Variants in PCDHGB2 observed in about 807,000 individuals in gnomAD.
PCDHGB2 encodes the protein protocadherin gamma subfamily B, 2.
PCDHGB2 carries 55 observed loss-of-function variants against 59.3 expected under a neutral mutation model. The observed-to-expected ratio is 0.93, with a 90% confidence interval of 0.75 to 1.16. PCDHGB2 has a LOEUF of 1.16. Among genes scored for constraint, PCDHGB2 ranks in the 50% most tolerant of loss-of-function variants. The probability of loss-of-function intolerance (pLI) is 0.00; values close to 1 mark genes in which losing one functional copy is unlikely to be tolerated. For missense variants in PCDHGB2, 1,228 were observed against 1,198.5 expected (o/e 1.02, Z -0.36); for synonymous variants, 516 against 512.0 (o/e 1.01, Z -0.11).
At chr5:141,376,262 G>A (rs1417719002) in intron 1 of PCDHGB2, 2 of 1,614,108 alleles carry the variant, frequency 1.2e-6, no homozygotes, top group Admixed American at 1.7e-5. Context: ...CCTGCTGCAG[G>A]CTTCGGGAGG....
chr5:141,428,057 G>C (rs766786963), intron 1 of PCDHGB2: 2 of 1,609,044 alleles, frequency 1.2e-6, no homozygotes, highest in East Asian at 2.2e-5. Flanking sequence ...AGGTGGTGGC[G>C]GTGGACGCAG....
chr5:141,389,049 C>T, intron 1 of PCDHGB2: 7 of 1,613,880 alleles, frequency 4.3e-6, no homozygotes, highest in Non-Finnish European at 5.9e-6. Flanking sequence ...AGGTGATGTT[C>T]CATTTAAAAT....
chr5:141,427,265 C>G (rs767369457), intron 1 of PCDHGB2: 1 of 456,688 alleles, frequency 2.2e-6, no homozygotes, highest in Non-Finnish European at 4.4e-6. Context: ...GCATGACCAG[C>G]GAATGTAAAA....
chr5:141,420,099 C>T (rs750814136), intron 1 of PCDHGB2: 4 of 1,613,996 alleles, frequency 2.5e-6, no homozygotes, highest in South Asian at 2.2e-5. Flanking sequence ...AGTGAGGGAA[C>T]GTTGCCCTAT....
At position 141,382,899 on chromosome 5, in the gene PCDHGB2, T is replaced by C. The variant is rs148952660; in HGVS notation, c.2421+20343T>C. On this transcript the variant is annotated intron_variant, in intron 1 of 3. Transcript: ENST00000522605. ...GCCTAAGCAAGAGAAGCAGGACGAC[T>C]ATGGCGGCTCAGCCGAGGGGCGGGG... 463 of 1,541,826 alleles carry C rather than the reference T, an allele frequency of 3.0e-4. 2 individuals carry two copies. In the African/African-American group the frequency reaches 5.3e-3, roughly 18 times the overall value.
intron 1 of PCDHGB2, chr5:141,393,816 A>T: frequency 6.2e-7 from 1 of 1,613,988 alleles, no homozygotes; most frequent in South Asian, 1.1e-5. Context: ...CAAATTGCTC[A>T]TTTCGGTGGA....
chr5:141,503,164 C>G (rs1262310388), intron 2 of PCDHGB2, among the ~76,000 whole-genome samples: 2 of 152,068 alleles, frequency 1.3e-5, no homozygotes, highest in East Asian at 3.9e-4. Flanking sequence ...ATCACAATTG[C>G]AATTACTCTA....
chr5:141,422,633 G>T lies in PCDHGB2; in HGVS notation c.2421+60077G>T, dbSNP rs769515606. 10 of 1,613,120 alleles carry T rather than the reference G, an allele frequency of 6.2e-6. No individual in the cohort carries two copies. In the East Asian group the frequency reaches 2.0e-4, roughly 32 times the overall value. ...TACATTCCCGAAAACAACCCCAGGG[G>T]TGCCTCCATCTTCTCAGTGACCGCC... On this transcript the variant is annotated intron_variant, in intron 1 of 3. Coordinates refer to ENST00000522605, the MANE Select transcript of PCDHGB2 (RefSeq NM_018923.3).
intron 1 of PCDHGB2, chr5:141,396,045 C>G (rs2093338007): frequency 6.6e-6 from 1 of 152,166 alleles, no homozygotes; most frequent in Non-Finnish European, 1.5e-5. Context: ...TATTTCAATA[C>G]AATTCCAATT....
chr5:141,419,175 C>A lies in PCDHGB2; in HGVS notation c.2421+56619C>A, dbSNP rs185228661. On this transcript the variant is annotated intron_variant, in intron 1 of 3. Transcript: ENST00000522605. Reference sequence around the variant, plus strand: ...CCGTTATCCTCCAGCAAAACCATAACCCTGCACATTACTGACGTCAATGAC... The same window carrying A: ...CCGTTATCCTCCAGCAAAACCATAAACCTGCACATTACTGACGTCAATGAC... The A allele has an allele frequency of 5.2e-4, 837 of 1,613,966 alleles. 3 individuals carry two copies. Among genetic ancestry groups the A allele is most frequent in the Non-Finnish European group, 9.3e-5 (110 of 1,179,894 alleles).
chr5:141,390,730 A>G (rs964390196), intron 1 of PCDHGB2: 1 of 195,852 alleles, frequency 5.1e-6, no homozygotes, highest in African/African-American at 2.4e-5. Flanking sequence ...TTTAACTGGT[A>G]TGGTCTCCAT....
At chr5:141,455,292 G>A (rs2098818902) in intron 1 of PCDHGB2, among the ~76,000 whole-genome samples, 1 of 152,068 alleles carries the variant, frequency 6.6e-6, no homozygotes, top group East Asian at 1.9e-4. Context: ...ACTTTACATA[G>A]TTTCATCTTG....
chr5:141,457,441 G>A (rs941085406), intron 1 of PCDHGB2, among the ~76,000 whole-genome samples: 1 of 152,134 alleles, frequency 6.6e-6, no homozygotes, highest in African/African-American at 2.4e-5. Flanking sequence ...CCAAGCTGCA[G>A]AAGATCACCA....
chr5:141,432,014 A>C lies in PCDHGB2; in HGVS notation c.2422-62793A>C, dbSNP rs778393699. Reference sequence around the variant, plus strand: ...GGATAGGGAACAGGTTCCTAGCTACAACATCACAGTGACCGCCACTGACCG... The same window carrying C: ...GGATAGGGAACAGGTTCCTAGCTACCACATCACAGTGACCGCCACTGACCG... On this transcript the variant is annotated intron_variant, in intron 1 of 3. Transcript: ENST00000522605. This position sits in a 1 kb window ranked among gnomAD's most constrained non-coding sequence, Gnocchi z 6.0. 16 of 1,614,196 alleles carry C rather than the reference A, an allele frequency of 9.9e-6. 1 individual carries two copies. In the South Asian group the frequency reaches 1.6e-4, roughly 17 times the overall value.
intron 1 of PCDHGB2, among the ~76,000 whole-genome samples, chr5:141,451,804 C>G (rs914303400): frequency 9.2e-5 from 14 of 151,946 alleles, no homozygotes; most frequent in African/African-American, 3.4e-4. Context: ...TTGCTTGAAC[C>G]CAGGAGGCGG....
chr5:141,430,889 A>G, intron 1 of PCDHGB2: 1 of 1,605,270 alleles, frequency 6.2e-7, no homozygotes, highest in African/African-American at 1.3e-5. Flanking sequence ...GAAAGGCTCT[A>G]GGGTGGGCGA....
At position 141,362,069 on chromosome 5, in the gene PCDHGB2, C is replaced by T; in HGVS notation, c.1934C>T (p.Ala645Val). ...RDAARQRLLV[A>V]VRDGGQPPLS... ...GCGGCCCGCCAGCGCCTGCTGGTCG[C>T]TGTGCGTGATGGAGGACAGCCGCCA... is the stretch of plus-strand genomic sequence containing the variant. The change falls in exon 1 of 4, where the codon GCT becomes GTT. Residue 645 changes from alanine to valine, a missense_variant. By Grantham distance (64) the Ala-to-Val change is moderately conservative. Coordinates refer to ENST00000522605, the MANE Select transcript of PCDHGB2 (RefSeq NM_018923.3). 6.2e-7 allele frequency: 1 copy of T among 1,612,628 alleles called. No individual in the cohort carries two copies. The highest frequency in any genetic ancestry group is 1.3e-5 in the African/African-American group (1 of 75,026).
chr5:141,510,910 A>C (rs780792326), intron 3 of PCDHGB2, 37 bp from the exon 4 acceptor site: 4 of 1,613,740 alleles, frequency 2.5e-6, no homozygotes, highest in Admixed American at 3.3e-5. Flanking sequence ...GAGGACCCTA[A>C]GTTTAGCTCC....
chr5:141,372,357 T>C (rs756040915), intron 1 of PCDHGB2: 19 of 1,613,806 alleles, frequency 1.2e-5, no homozygotes, highest in Non-Finnish European at 1.4e-5. Context: ...GCAGCCTCTT[T>C]CAGCCACCGT....
Sources: allele counts gnomAD v4.1 joint callset (sites outside exome capture counted in the v4.1 genomes callset), GRCh38; gene constraint gnomAD v4.1.1; non-coding constraint Gnocchi (gnomAD v3.1); transcripts MANE v1.5; gene names NCBI Gene and HGNC (gene_info 2026-07-23, HGNC 2026-07-21).